ZNF560: variants seen among roughly 807,000 people sequenced by gnomAD.
ZNF560 encodes the protein zinc finger protein 560.
Under a neutral mutation model 81.8 loss-of-function variants are expected in ZNF560, and 54 were observed. The ratio of observed to expected loss-of-function variants is 0.66; its 90% CI spans 0.53 to 0.83. The LOEUF (loss-of-function observed/expected upper bound fraction) is 0.83. Ranked by LOEUF, ZNF560 falls within the 40% of genes least tolerant of loss-of-function variation. The probability of loss-of-function intolerance (pLI) is 0.00; values close to 1 mark genes in which losing one functional copy is unlikely to be tolerated. For missense variants in ZNF560, 940 were observed against 932.4 expected (o/e 1.01, Z -0.11); for synonymous variants, 321 against 317.9 (o/e 1.01, Z -0.10).
chr19:9,463,802 C>T (rs1230635426), downstream of ZNF560, among the ~76,000 whole-genome samples: 2 of 152,228 alleles, frequency 1.3e-5, no homozygotes, highest in African/African-American at 4.8e-5. Context: ...CCTATCTCAG[C>T]CTCCTGAGTA....
At chr19:9,478,369 A>C (rs1198504033) in intron 2 of ZNF560, among the ~76,000 whole-genome samples, 1 of 152,238 alleles carries the variant, frequency 6.6e-6, no homozygotes, top group Non-Finnish European at 1.5e-5. Context: ...AAGCAGAGGT[A>C]GTTCATCGAC....
In ZNF560 at chr19:9,469,712, T is replaced by G; in HGVS notation, c.449-2A>C. On this transcript the variant is annotated splice_acceptor_variant, in intron 7 of 9. Coordinates refer to ENST00000301480, the MANE Select transcript of ZNF560 (RefSeq NM_152476.3). LOFTEE classifies it high-confidence loss of function. ...GACTGGGTTTGAAGAGCTGGTAACC[T>G]GTACACAGGGAAAGATACACCAATG... The G allele has an allele frequency of 6.2e-7, 1 of 1,614,090 alleles. No homozygotes were observed. Among genetic ancestry groups the G allele is most frequent in the South Asian group, 1.1e-5 (1 of 91,086 alleles).
At chr19:9,505,091 T>A in the ZNF560 span, among the ~76,000 whole-genome samples, 23 of 152,102 alleles carry the variant, frequency 1.5e-4, no homozygotes, top group Admixed American at 3.9e-4. Context: ...CTCAAAAAAA[T>A]AAATAAATAA....
the ZNF560 span, among the ~76,000 whole-genome samples, chr19:9,446,456 A>G: frequency 6.6e-6 from 1 of 151,866 alleles, no homozygotes. Context: ...CTTTCACAAC[A>G]TCATGTTTGT....
chr19:9,488,130 T>C (rs1376363586), intron 2 of ZNF560, among the ~76,000 whole-genome samples: 1 of 152,102 alleles, frequency 6.6e-6, no homozygotes, highest in Non-Finnish European at 1.5e-5. Context: ...CTGAATTAGT[T>C]CCCACAGGAG....
the ZNF560 span, among the ~76,000 whole-genome samples, chr19:9,506,300 T>C: frequency 1.3e-5 from 2 of 152,046 alleles, no homozygotes; most frequent in African/African-American, 2.4e-5. Context: ...GCCAAAACTT[T>C]AACAGCCCTC....
At chr19:9,506,501 G>A in the ZNF560 span, among the ~76,000 whole-genome samples, 2 of 148,952 alleles carry the variant, frequency 1.3e-5, no homozygotes, top group East Asian at 3.9e-4. Context: ...AAAAAATTCA[G>A]TAAAAAGTAA....
the ZNF560 span, among the ~76,000 whole-genome samples, chr19:9,457,877 C>A: frequency 6.6e-6 from 1 of 152,144 alleles, no homozygotes; most frequent in African/African-American, 2.4e-5. Flanking sequence ...TGGCAATTAA[C>A]AAAAGAAGCT....
chr19:9,469,143 C>A lies in ZNF560; in HGVS notation c.574G>T (p.Asp192Tyr), dbSNP rs768360360. The A allele has an allele frequency of 1.9e-6, 3 of 1,598,296 alleles. No individual in the cohort carries two copies. The highest frequency in any genetic ancestry group is 2.6e-6 in the Non-Finnish European group (3 of 1,174,274). Residue 192 changes from aspartate (D) to tyrosine (Y), a missense_variant, in exon 9 of 10, where the codon GAT (aspartate) becomes TAT (tyrosine). Physicochemically the swap from Asp to Tyr is radical, Grantham distance 160 (BLOSUM62 -3). Transcript: ENST00000301480. ...LKTKGPALWQ[D>Y]NFCLKTLNGI... ...TTTAATGTTTTTAAACAAAAATTAT[C>A]TTGCCAAAGGGCTGGCCCTTTGGTT... is the stretch of plus-strand genomic sequence containing the variant.
At chr19:9,446,918 A>G in the ZNF560 span, among the ~76,000 whole-genome samples, 2 of 152,194 alleles carry the variant, frequency 1.3e-5, no homozygotes, top group African/African-American at 4.8e-5. Flanking sequence ...GCAGATCACA[A>G]GGTCAGGAGT....
downstream of ZNF560, among the ~76,000 whole-genome samples, chr19:9,462,108 A>C (rs1056025669): frequency 4.6e-5 from 7 of 152,212 alleles, no homozygotes; most frequent in African/African-American, 1.7e-4. Context: ...TGGTAAAACA[A>C]AAAGGGGGAC....
At chr19:9,473,288 G>C (rs1450140612) in intron 4 of ZNF560, 29 bp from the exon 5 acceptor site, 3 of 1,571,068 alleles carry the variant, frequency 1.9e-6, no homozygotes, top group East Asian at 2.3e-5. Flanking sequence ...TACATTAATG[G>C]AAGAGGCTCA....
At chr19:9,503,192 G>A (rs2073645329), upstream of ZNF560, among the ~76,000 whole-genome samples, 1 of 152,086 alleles carries the variant, frequency 6.6e-6, no homozygotes, top group East Asian at 1.9e-4. Context: ...CAGCACTGCA[G>A]CTTGGGGGAC....
downstream of ZNF560, among the ~76,000 whole-genome samples, chr19:9,463,512 T>A (rs964429877): frequency 6.6e-6 from 1 of 152,196 alleles, no homozygotes; most frequent in Non-Finnish European, 1.5e-5. Context: ...GTGACAGAAG[T>A]CACACAAGGC....
At chr19:9,490,282 AT>A (rs1291754484) in intron 2 of ZNF560, among the ~76,000 whole-genome samples, 5 of 152,248 alleles carry the variant, frequency 3.3e-5, no homozygotes, top group Admixed American at 3.3e-4. Context: ...ACTACAGGAG[AT>A]AACAATCATT....
upstream of ZNF560, among the ~76,000 whole-genome samples, chr19:9,503,412 C>A (rs925218290): frequency 9.2e-5 from 14 of 152,224 alleles, no homozygotes; most frequent in Middle Eastern, 3.4e-3. Flanking sequence ...AAGAACAAGG[C>A]ACAAGCAGAT....
chr19:9,489,158 C>A (rs1398999462), intron 2 of ZNF560, among the ~76,000 whole-genome samples: 1 of 152,240 alleles, frequency 6.6e-6, no homozygotes, highest in Admixed American at 6.5e-5. Flanking sequence ...TTGGAGAGGG[C>A]AGAAAGATCA....
intron 2 of ZNF560, among the ~76,000 whole-genome samples, chr19:9,490,796 G>A (rs1301580552): frequency 6.6e-6 from 1 of 152,150 alleles, no homozygotes; most frequent in African/African-American, 2.4e-5. Flanking sequence ...AACCTGATAA[G>A]AGTCACCACA....
chr19:9,470,026 AAAGAGAGAT>A, intron 7 of ZNF560: 5 of 433,630 alleles, frequency 1.2e-5, no homozygotes, highest in Non-Finnish European at 2.0e-5. Context: ...ATGGAAGCTC[AAAGAGAGAT>A]CTTGATTCTC....
Sources: allele counts gnomAD v4.1 joint callset (sites outside exome capture counted in the v4.1 genomes callset), GRCh38; gene constraint gnomAD v4.1.1; transcripts MANE v1.5; gene names NCBI Gene and HGNC (gene_info 2026-07-23, HGNC 2026-07-21).